The following ZBED6 variants were observed in gnomAD, a reference collection of about 807,000 sequenced individuals.
ZBED6 encodes the protein zinc finger BED domain-containing protein 6.
ZBED6 carries 40 observed loss-of-function variants against 58.4 expected under a neutral mutation model. That is an observed-to-expected ratio of 0.68 (90% CI 0.53 to 0.89). The LOEUF is 0.89. ZBED6 is among the 40% of genes least tolerant of loss of function. The pLI is 0.00. For missense variants in ZBED6, 1,057 were observed against 1,003.9 expected (o/e 1.05, Z -0.71); for synonymous variants, 439 against 350.6 (o/e 1.25, Z -2.82).
intron 10 of ZBED6, among the ~76,000 whole-genome samples, chr1:203,838,954 CAAA>C (rs59033094): frequency 5.7e-4 from 56 of 97,920 alleles, no homozygotes; most frequent in South Asian, 2.8e-3. Flanking sequence ...GACTTCATCT[CAAA>C]AAAAAAAAAA....
chr1:203,804,565 T>G (rs979330197), intron 1 of ZBED6, among the ~76,000 whole-genome samples: 16 of 152,308 alleles, frequency 1.1e-4, no homozygotes, highest in Middle Eastern at 6.8e-3. Flanking sequence ...ATTTACTGCT[T>G]CTTGTAGATC....
intron 1 of ZBED6, chr1:203,806,115 C>G: frequency 2.0e-6 from 1 of 501,144 alleles, no homozygotes; most frequent in Non-Finnish European, 4.0e-6. Flanking sequence ...GACCCCCTCT[C>G]ATCTTGATCT....
At chr1:203,824,574 C>T (rs1679867798) in intron 3 of ZBED6, among the ~76,000 whole-genome samples, 1 of 152,196 alleles carries the variant, frequency 6.6e-6, no homozygotes, top group African/African-American at 2.4e-5. Context: ...ACATGTGTCA[C>T]ATTGGTTCAC....
intron 3 of ZBED6, among the ~76,000 whole-genome samples, chr1:203,824,762 A>G (rs1470880877): frequency 1.3e-5 from 2 of 152,120 alleles, no homozygotes; most frequent in Non-Finnish European, 2.9e-5. Flanking sequence ...AGTAGAAGAA[A>G]GCTGTGATGT....
chr1:203,830,085 GC>G (rs1461629414), intron 6 of ZBED6, 37 bp from the exon 7 acceptor site: 1 of 1,503,094 alleles, frequency 6.7e-7, no homozygotes, highest in African/African-American at 1.4e-5. Context: ...AGATGAAAAG[GC>G]TCCCGTTCCT....
At chr1:203,809,952 C>G (rs1673779743) in intron 1 of ZBED6, among the ~76,000 whole-genome samples, 1 of 151,916 alleles carries the variant, frequency 6.6e-6, no homozygotes, top group Non-Finnish European at 1.5e-5. Flanking sequence ...GAGACTCTCT[C>G]AAAAATAACA....
At chr1:203,809,932 G>A (rs79962865) in intron 1 of ZBED6, among the ~76,000 whole-genome samples, 12,045 of 152,038 alleles carry the variant, frequency 0.079, 1,267 homozygotes, top group East Asian at 0.4. Context: ...CCAGGTTTGG[G>A]CAACAGAGCG....
chr1:203,820,141 A>G (rs1374399426), intron 3 of ZBED6, among the ~76,000 whole-genome samples: 3 of 151,696 alleles, frequency 2.0e-5, no homozygotes, highest in Non-Finnish European at 2.9e-5. Flanking sequence ...AGGCTGAAGC[A>G]GGAGAATCGC....
At chr1:203,805,704 TG>T (rs777857457) in intron 1 of ZBED6, 1 of 663,036 alleles carries the variant, frequency 1.5e-6, no homozygotes, top group Non-Finnish European at 2.9e-6. Flanking sequence ...CTTCTGGAAT[TG>T]CAGGTGCAGA....
At chr1:203,833,813 G>A (rs1304583379) in exon 9 of ZBED6, 2 of 1,609,502 alleles carry the variant, frequency 1.2e-6, no homozygotes, top group Non-Finnish European at 1.7e-6. Flanking sequence ...TGGTTAGATT[G>A]AGTCTTACTG....
At chr1:203,845,831 A>C (rs1052193871) in intron 11 of ZBED6, among the ~76,000 whole-genome samples, 5 of 152,098 alleles carry the variant, frequency 3.3e-5, no homozygotes, top group Admixed American at 2.0e-4. Context: ...ACCACTGCAC[A>C]CTCCAGCCTG....
intron 1 of ZBED6, among the ~76,000 whole-genome samples, chr1:203,811,180 C>A (rs929349774): frequency 1.3e-4 from 20 of 148,752 alleles, no homozygotes; most frequent in Non-Finnish European, 2.5e-4. Flanking sequence ...TGGTGGTGGG[C>A]ACCTGTAATT....
At chr1:203,818,717 TAAG>T in intron 3 of ZBED6, 28 bp downstream of exon 3, 1 of 1,613,768 alleles carries the variant, frequency 6.2e-7, no homozygotes, top group Non-Finnish European at 8.5e-7. Context: ...GTTATCATAA[TAAG>T]TAGTCTGGAG....
intron 9 of ZBED6, among the ~76,000 whole-genome samples, chr1:203,834,868 TC>T (rs1296105147): frequency 6.6e-6 from 1 of 152,218 alleles, no homozygotes. Flanking sequence ...GGTCTCGAAC[TC>T]CTGCCCTCAG....
exon 1 of ZBED6, chr1:203,802,108 G>A (rs1327632689): frequency 6.6e-6 from 1 of 152,538 alleles, no homozygotes; most frequent in African/African-American, 2.4e-5. Flanking sequence ...CTATAATGCT[G>A]CTCTGCCTTC....
chr1:203,801,831 T>A (rs200071835), exon 1 of ZBED6: 124 of 132,152 alleles, frequency 9.4e-4, no homozygotes, highest in South Asian at 1.5e-3. Context: ...TTTTTTTTTT[T>A]AAATTCTTAA....
Position 203,800,232 on chromosome 1 carries a change from C to T in ZBED6, c.2710C>T (p.Gln904Ter). The change falls in exon 1 of 17, where the codon CAG becomes TAG. Residue 904 changes from glutamine (Q) to a stop codon, truncating the protein, a stop_gained. Transcript: ENST00000550078. LOFTEE classifies it high-confidence loss of function. ...GCCGGCTTTGACCCAGGTTGCCATC[C>T]AGTATCTAAGTTGCCCCATGTGTAG... 1 of 1,351,878 alleles carries T rather than the reference C, an allele frequency of 7.4e-7. No homozygotes were observed. The highest frequency in any genetic ancestry group is 1.0e-6 in the Non-Finnish European group (1 of 979,174). The allele number at this position is 1,351,878 out of a possible 1,614,324, so 83.7% of individuals were successfully genotyped here. A position where few individuals can be genotyped will look rare whatever the true frequency, so the allele number is the denominator to read the frequency against.
At chr1:203,796,418 A>G (rs533344419) in exon 1 of ZBED6, 41 of 398,978 alleles carry the variant, frequency 1.0e-4, no homozygotes, top group Non-Finnish European at 1.7e-4. Context: ...GTCGGAGTCA[A>G]GAGCAACAGG....
intron 3 of ZBED6, 90 bp downstream of exon 3, chr1:203,818,779 AT>A (rs1677215525): frequency 6.3e-7 from 1 of 1,589,422 alleles, no homozygotes; most frequent in Non-Finnish European, 8.6e-7. Flanking sequence ...CTTTTAAAAA[AT>A]ATATTAAGGC....
Sources: allele counts gnomAD v4.1 joint callset (sites outside exome capture counted in the v4.1 genomes callset), GRCh38; gene constraint gnomAD v4.1.1; transcripts MANE v1.5; gene names NCBI Gene and HGNC (gene_info 2026-07-23, HGNC 2026-07-21).